The following MYPN variants were observed in gnomAD, a reference collection of about 807,000 sequenced individuals.
The protein encoded by MYPN is myopalladin, also known as sarcomeric protein myopalladin, 145 kDa (MYOP).
MYPN carries 63 observed loss-of-function variants against 129.4 expected under a neutral mutation model. That is an observed-to-expected ratio of 0.49 (90% CI 0.40 to 0.60). The LOEUF (loss-of-function observed/expected upper bound fraction) is 0.60. MYPN is among the 20% of genes least tolerant of loss of function. The pLI is 0.00. For synonymous variants in MYPN, 629 were observed against 600.9 expected, an observed-to-expected ratio of 1.05 and a Z score of -0.68; for missense variants, 1,596 against 1,635.4, an observed-to-expected ratio of 0.98 and a Z score of 0.42.
chr10:68,106,034 G>A (rs781666582), upstream of MYPN: 11 of 398,494 alleles, frequency 2.8e-5, no homozygotes, highest in East Asian at 7.8e-5. Flanking sequence ...GATCTGCAAC[G>A]GAACCCTGTA....
chr10:68,133,358 G>A (rs981087918), intron 2 of MYPN, among the ~76,000 whole-genome samples: 9 of 152,000 alleles, frequency 5.9e-5, no homozygotes, highest in African/African-American at 1.7e-4. Context: ...TTTCTCAAAG[G>A]TAGAAAGCAT....
At position 68,174,595 on chromosome 10, in the gene MYPN, C is replaced by T; in HGVS notation, c.2503C>T (p.Pro835Ser). 6.2e-7 allele frequency: 1 copy of T among 1,614,182 alleles called. No individual in the cohort carries two copies. The highest frequency in any genetic ancestry group is 8.5e-7 in the Non-Finnish European group (1 of 1,180,026). ...AGTGGCTTTCCTCAGCTCTGTTCTGCCTTCTCTCCCTGCCATCCCACCCAC... is the reference window on the plus strand; with the variant it reads ...AGTGGCTTTCCTCAGCTCTGTTCTGTCTTCTCTCCCTGCCATCCCACCCAC... ...NPVAFLSSVL[P>S]SLPAIPPTNA... Residue 835 changes from proline to serine, a missense_variant, in exon 11 of 20, where the codon CCT becomes TCT. Coordinates refer to ENST00000358913, the MANE Select transcript of MYPN (RefSeq NM_032578.4).
chr10:68,101,512 G>C (rs1230146821), upstream of MYPN, among the ~76,000 whole-genome samples: 1 of 152,036 alleles, frequency 6.6e-6, no homozygotes, highest in African/African-American at 2.4e-5. Flanking sequence ...GTATTTTTTA[G>C]CTTTATATTC....
intron 15 of MYPN, among the ~76,000 whole-genome samples, chr10:68,196,060 C>A (rs1178726215): frequency 6.6e-6 from 1 of 152,160 alleles, no homozygotes; most frequent in Non-Finnish European, 1.5e-5. Flanking sequence ...CTGCCTTGGC[C>A]TCCCAAAGTG....
intron 2 of MYPN, among the ~76,000 whole-genome samples, chr10:68,125,761 A>C (rs1157483632): frequency 6.6e-6 from 1 of 152,222 alleles, no homozygotes; most frequent in Non-Finnish European, 1.5e-5. Context: ...TTAGGTAGAA[A>C]GTTTCTTATT....
At chr10:68,161,285 C>G (rs1238837542) in intron 7 of MYPN, among the ~76,000 whole-genome samples, 1 of 152,126 alleles carries the variant, frequency 6.6e-6, no homozygotes, top group East Asian at 1.9e-4. Flanking sequence ...TACCTGAGGT[C>G]AGGAGTTCAA....
intron 2 of MYPN, among the ~76,000 whole-genome samples, chr10:68,129,191 G>A (rs889064539): frequency 4.6e-5 from 7 of 152,174 alleles, no homozygotes; most frequent in East Asian, 1.9e-4. Context: ...AGGCTCGGCC[G>A]TCTGTGTTCT....
chr10:68,117,592 A>G (rs1249413207), intron 1 of MYPN, among the ~76,000 whole-genome samples: 2 of 152,148 alleles, frequency 1.3e-5, no homozygotes, highest in South Asian at 2.1e-4. Context: ...CAAAGAGAAT[A>G]CAAAGATCTG....
rs141672428 is a variant in MYPN, at chr10:68,175,168, C to T, written c.2565-155C>T. Among the ~76,000 whole-genome samples, 583 of 152,214 alleles carry T rather than the reference C, an allele frequency of 3.8e-3. 2 individuals are homozygous for T. Among genetic ancestry groups the T allele is most frequent in the Admixed American group, 3.7e-3 (57 of 15,290 alleles). On this transcript the variant is annotated intron_variant, in intron 11 of 19. Coordinates refer to ENST00000358913, the MANE Select transcript of MYPN (RefSeq NM_032578.4). ...TTTTTAAATTAAAGTATCAAAAAGA[C>T]CTTTACAAATACCGATTCTCTGCAC...
At chr10:68,147,737 C>T (rs964838202) in intron 4 of MYPN, among the ~76,000 whole-genome samples, 4 of 152,186 alleles carry the variant, frequency 2.6e-5, no homozygotes, top group Non-Finnish European at 5.9e-5. Flanking sequence ...CTGGCAAGAT[C>T]CACAGACCTC....
chr10:68,205,420 C>T (rs7475348), intron 18 of MYPN, among the ~76,000 whole-genome samples: 62,082 of 151,374 alleles, frequency 0.41, 13,570 homozygotes, highest in Non-Finnish European at 0.49. Flanking sequence ...GGCTCACACC[C>T]GTAATCCCAG....
At chr10:68,102,193 A>ATCAAAGC (rs1422360373), upstream of MYPN, among the ~76,000 whole-genome samples, 2 of 147,562 alleles carry the variant, frequency 1.4e-5, no homozygotes, top group African/African-American at 5.1e-5. Context: ...CAGTGGCACA[A>ATCAAAGC]TCAAAGCTCA....
chr10:68,171,098 G>A (rs978427658), intron 10 of MYPN, among the ~76,000 whole-genome samples: 5 of 146,362 alleles, frequency 3.4e-5, no homozygotes, highest in Non-Finnish European at 3.0e-5. Flanking sequence ...GCAGTGAGCT[G>A]AGATCATGCC....
chr10:68,106,299 TA>T (rs2042012730), upstream of MYPN: 2 of 386,710 alleles, frequency 5.2e-6, no homozygotes, highest in Admixed American at 7.3e-5. Flanking sequence ...TTTTTTTTTT[TA>T]ATGTTTTTAG....
At chr10:68,103,914 C>T (rs1274177260), upstream of MYPN, among the ~76,000 whole-genome samples, 3 of 152,232 alleles carry the variant, frequency 2.0e-5, no homozygotes, top group Non-Finnish European at 2.9e-5. Flanking sequence ...CGCACCATTG[C>T]ACTCCAGCCT....
chr10:68,119,731 A>G (rs775790819), intron 1 of MYPN, among the ~76,000 whole-genome samples: 1 of 152,128 alleles, frequency 6.6e-6, no homozygotes, highest in African/African-American at 2.4e-5. Context: ...TTTTAAATTA[A>G]TCTTTTTTAA....
At chr10:68,152,972 ATTTTATTTAT>A (rs1313273004) in intron 6 of MYPN, among the ~76,000 whole-genome samples, 7 of 138,202 alleles carry the variant, frequency 5.1e-5, no homozygotes, top group African/African-American at 1.0e-4. Context: ...ATTTTATTTT[ATTTTATTTAT>A]TTTATTTTAT....
At chr10:68,189,570 G>A (rs2043478363) in intron 13 of MYPN, among the ~76,000 whole-genome samples, 1 of 152,022 alleles carries the variant, frequency 6.6e-6, no homozygotes, top group Non-Finnish European at 1.5e-5. Flanking sequence ...CCACCTCCAT[G>A]AGATCATTTC....
Position 68,121,478 on chromosome 10 carries a change from C to T in MYPN, c.40C>T (p.Gln14Ter), listed in dbSNP as rs1198206685. The T allele has an allele frequency of 3.1e-6, 5 of 1,613,492 alleles. No homozygotes were observed. The highest frequency in any genetic ancestry group is 1.1e-5 in the South Asian group (1 of 91,016). ...DSIEASTSIS[Q>*]LLRESYLAET... The stretch of plus-strand genomic sequence containing the variant: ...CATAGAAGCTTCTACTTCCATATCT[C>T]AGCTTCTAAGAGAGAGCTATTTAGC... Residue 14 changes from glutamine (Q) to a stop codon, truncating the protein, a stop_gained, in exon 2 of 20, where the codon CAG becomes TAG. Coordinates refer to ENST00000358913, the MANE Select transcript of MYPN (RefSeq NM_032578.4). LOFTEE classifies it high-confidence loss of function.
Sources: gnomAD v4.1 joint callset for allele counts (sites outside exome capture counted in the v4.1 genomes callset) on GRCh38, gnomAD v4.1.1 for gene constraint, MANE v1.5 for transcripts, NCBI Gene and HGNC (gene_info 2026-07-23, HGNC 2026-07-21) for gene names.